Variants in DPP10 observed in about 807,000 individuals in gnomAD.
DPP10 encodes the protein inactive dipeptidyl peptidase 10.
DPP10 carries 33 observed loss-of-function variants against 120.9 expected under a neutral mutation model. That is an observed-to-expected ratio of 0.27 (90% CI 0.21 to 0.37). DPP10 has a LOEUF of 0.37. Among genes scored for constraint, DPP10 ranks in the 10% least tolerant of loss-of-function variants. The pLI, the probability that DPP10 is intolerant of heterozygous loss-of-function variation, is 1.00. For synonymous variants in DPP10, 337 were observed against 326.1 expected (o/e 1.03, Z -0.36); for missense variants, 816 against 942.8 (o/e 0.87, Z 1.76).
intron 3 of DPP10, among the ~76,000 whole-genome samples, chr2:115,395,265 T>C (rs913516138): frequency 2.0e-5 from 3 of 152,206 alleles, no homozygotes; most frequent in African/African-American, 7.2e-5. Context: ...TGCACCCCAG[T>C]ATCTCTTTTT....
At chr2:114,883,387 C>T (rs1691804619) in intron 1 of DPP10, among the ~76,000 whole-genome samples, 1 of 152,156 alleles carries the variant, frequency 6.6e-6, no homozygotes, top group Non-Finnish European at 1.5e-5. Flanking sequence ...CTACAGCATT[C>T]GTGATTTCCA....
intron 1 of DPP10, among the ~76,000 whole-genome samples, chr2:115,099,246 G>A (rs1028635948): frequency 1.2e-4 from 19 of 152,182 alleles, no homozygotes; most frequent in Middle Eastern, 3.4e-3. Flanking sequence ...CCCAGGAGGC[G>A]GAGGTTGCTG....
intron 1 of DPP10, among the ~76,000 whole-genome samples, chr2:114,958,293 A>G (rs1408253660): frequency 2.0e-5 from 3 of 152,140 alleles, no homozygotes; most frequent in Admixed American, 1.3e-4. Flanking sequence ...TTGTTACAGG[A>G]ACATACTCTT....
chr2:115,176,223 TTG>T (rs925784636), intron 1 of DPP10, among the ~76,000 whole-genome samples: 22 of 150,004 alleles, frequency 1.5e-4, no homozygotes, highest in Middle Eastern at 3.5e-3. Flanking sequence ...AGCTAAAATT[TTG>T]TGTCTATACT....
intron 1 of DPP10, among the ~76,000 whole-genome samples, chr2:115,104,470 A>G (rs376950820): frequency 1.3e-5 from 2 of 152,316 alleles, no homozygotes; most frequent in South Asian, 2.1e-4. Flanking sequence ...TGATTGATTC[A>G]TAATTTCATT....
chr2:114,559,676 T>C (rs1291375064), intron 1 of DPP10, among the ~76,000 whole-genome samples: 1 of 151,418 alleles, frequency 6.6e-6, no homozygotes, highest in Non-Finnish European at 1.5e-5. Context: ...AGAGAGGGAG[T>C]TCTAGAGTGT....
At chr2:114,513,521 C>CAAAAAAAAAAA (rs10712243) in intron 1 of DPP10, among the ~76,000 whole-genome samples, 1 of 74,982 alleles carries the variant, frequency 1.3e-5, no homozygotes, top group Non-Finnish European at 2.5e-5. Context: ...AACTCTACCT[C>CAAAAAAAAAAA]AAAAAAAAAA....
intron 13 of DPP10, among the ~76,000 whole-genome samples, chr2:115,772,293 TG>T (rs1346990672): frequency 6.6e-6 from 1 of 152,182 alleles, no homozygotes; most frequent in African/African-American, 2.4e-5. Context: ...AGTGGCAATT[TG>T]TTGTAATGAT....
At chr2:114,447,020 T>C (rs543877442) in intron 1 of DPP10, among the ~76,000 whole-genome samples, 1 of 150,466 alleles carries the variant, frequency 6.6e-6, no homozygotes, top group South Asian at 2.1e-4. Context: ...CATTGCAATC[T>C]CACTGGTTGT....
intron 2 of DPP10, among the ~76,000 whole-genome samples, chr2:115,330,652 T>C (rs1438750145): frequency 4.6e-5 from 7 of 152,064 alleles, no homozygotes; most frequent in African/African-American, 1.7e-4. Flanking sequence ...TTTCTACATA[T>C]GGCTAGCCAG....
intron 19 of DPP10, among the ~76,000 whole-genome samples, chr2:115,814,008 C>T (rs1686954600): frequency 6.6e-6 from 1 of 152,138 alleles, no homozygotes; most frequent in Non-Finnish European, 1.5e-5. Context: ...GTTTCAGAGT[C>T]TGATTTTTTA....
At chr2:114,968,660 C>T (rs1699199324) in intron 1 of DPP10, among the ~76,000 whole-genome samples, 1 of 152,156 alleles carries the variant, frequency 6.6e-6, no homozygotes, top group South Asian at 2.1e-4. Flanking sequence ...TATTTCCTTA[C>T]ACCAGGTCAT....
At chr2:114,915,653 G>T (rs1002805282) in intron 1 of DPP10, among the ~76,000 whole-genome samples, 7 of 152,068 alleles carry the variant, frequency 4.6e-5, no homozygotes, top group African/African-American at 1.7e-4. Context: ...TATTGGATCA[G>T]AGTGCAATAA....
intron 5 of DPP10, among the ~76,000 whole-genome samples, chr2:115,537,394 A>G (rs976934732): frequency 3.3e-5 from 5 of 152,150 alleles, no homozygotes; most frequent in East Asian, 1.9e-4. Context: ...GCATGGAGAA[A>G]AAGTAAAGTG....
At chr2:114,940,049 C>A (rs1696777753) in intron 1 of DPP10, among the ~76,000 whole-genome samples, 1 of 152,134 alleles carries the variant, frequency 6.6e-6, no homozygotes, top group Non-Finnish European at 1.5e-5. Context: ...GTGTGCTTAT[C>A]TACCTTGTTT....
At chr2:115,007,016 ATCTCT>A (rs1429262412) in intron 1 of DPP10, among the ~76,000 whole-genome samples, 5 of 151,990 alleles carry the variant, frequency 3.3e-5, no homozygotes, top group Non-Finnish European at 1.5e-5. Flanking sequence ...ATAACAAACT[ATCTCT>A]CAGACCACAG....
Position 114,462,198 on chromosome 2 carries a change from G to A in DPP10, c.60+19360G>A, listed in dbSNP as rs979535315. The A allele has an allele frequency of 1.7e-5, 17 of 975,602 alleles. No homozygotes were observed. The East Asian group carries it at 8.0e-4, about 46-fold the overall frequency. The allele number at this position is 975,602 out of a possible 1,614,324, so 60.4% of individuals were successfully genotyped here. A position where few individuals can be genotyped will look rare whatever the true frequency, so the allele number is the denominator to read the frequency against. On this transcript the variant is annotated intron_variant, in intron 1 of 25. Coordinates refer to ENST00000410059, the MANE Select transcript of DPP10 (RefSeq NM_020868.6). ...GTCTTAGAATAGTTTGATATTTACC[G>A]ACAAGTTGCGAAGATTTTACAGAGC...
intron 1 of DPP10, among the ~76,000 whole-genome samples, chr2:114,996,738 C>A (rs569422711): frequency 6.6e-6 from 1 of 152,110 alleles, no homozygotes; most frequent in African/African-American, 2.4e-5. Context: ...AATCCCAGCA[C>A]TTTGGGAGGC....
chr2:114,960,028 T>G (rs1392392420), intron 1 of DPP10, among the ~76,000 whole-genome samples: 1 of 152,154 alleles, frequency 6.6e-6, no homozygotes, highest in Non-Finnish European at 1.5e-5. Context: ...CCATTTTTAA[T>G]TAGGAAAAAA....
Sources: gnomAD v4.1 joint callset for allele counts (sites outside exome capture counted in the v4.1 genomes callset) on GRCh38, gnomAD v4.1.1 for gene constraint, MANE v1.5 for transcripts, NCBI Gene and HGNC (gene_info 2026-07-23, HGNC 2026-07-21) for gene names.